PIAS2: variants seen among roughly 807,000 people sequenced by gnomAD.
The protein encoded by PIAS2 is E3 SUMO-protein ligase PIAS2.
Under a neutral mutation model 69.7 loss-of-function variants are expected in PIAS2, and 19 were observed. The observed-to-expected ratio is 0.27, with a 90% CI of 0.19 to 0.40. The LOEUF (loss-of-function observed/expected upper bound fraction) is 0.40. Among genes scored for constraint, PIAS2 ranks in the 10% least tolerant of loss-of-function variants. The pLI, the probability that PIAS2 is intolerant of heterozygous loss-of-function variation, is 1.00. For missense variants in PIAS2, 624 were observed against 757.0 expected (o/e 0.82, Z 2.06); for synonymous variants, 261 against 263.2 (o/e 0.99, Z 0.08).
At chr18:46,847,723 C>G (rs747425646) in intron 5 of PIAS2, among the ~76,000 whole-genome samples, 3 of 152,110 alleles carry the variant, frequency 2.0e-5, no homozygotes, top group Non-Finnish European at 2.9e-5. Context: ...ACCTCGTGAT[C>G]AGCCTGCCTC....
rs1212945480 is a variant in PIAS2 at position 46,859,992 on chromosome 18, G to A, written c.584+4172C>T. On this transcript the variant is annotated intron_variant, in intron 3 of 13. Coordinates refer to ENST00000585916, the MANE Select transcript of PIAS2 (RefSeq NM_004671.5). ...AGGAGCAGCGCTAAAGCCAAAAAGAGAACTGAATCCAATGTTCAATCTTCA... is the reference window on the plus strand; with the variant it reads ...AGGAGCAGCGCTAAAGCCAAAAAGAAAACTGAATCCAATGTTCAATCTTCA... Among the ~76,000 whole-genome samples the A allele has an allele frequency of 3.9e-5, 6 of 152,128 alleles. No individual in the cohort carries two copies. The East Asian group carries it at 1.2e-3, about 29-fold the overall frequency.
upstream of PIAS2, among the ~76,000 whole-genome samples, chr18:46,919,768 A>T (rs542478203): frequency 6.6e-6 from 1 of 152,366 alleles, no homozygotes; most frequent in Non-Finnish European, 1.5e-5. Context: ...GAATAAAGGA[A>T]TGAATGAACA....
At chr18:46,876,975 C>T (rs1335017595) in intron 2 of PIAS2, among the ~76,000 whole-genome samples, 3 of 152,198 alleles carry the variant, frequency 2.0e-5, no homozygotes, top group Non-Finnish European at 2.9e-5. Context: ...ACTGGGATTA[C>T]AGGCGTGAGC....
chr18:46,808,422 A>ATTTC lies in PIAS2; in HGVS notation c.*4007_*4010dup, dbSNP rs2040814779. 1 of 152,200 alleles carries ATTTC rather than the reference A, an allele frequency of 6.6e-6. No individual in the cohort carries two copies. Among genetic ancestry groups the ATTTC allele is most frequent in the Non-Finnish European group, 1.5e-5 (1 of 68,020 alleles). 9.4% of individuals were successfully genotyped at this position (152,200 alleles called of 1,614,324 possible). ...ATGGACATTGGGTACAGCTTTATTT[A>ATTTC]TTTCTTTTAGGAATTGCAGGTTCCT... On this transcript the variant is annotated 3_prime_UTR_variant, in exon 14 of 14. Transcript: ENST00000585916.
chr18:46,867,452 GGT>G (rs1430004129), intron 2 of PIAS2, among the ~76,000 whole-genome samples: 1 of 152,104 alleles, frequency 6.6e-6, no homozygotes, highest in Non-Finnish European at 1.5e-5. Flanking sequence ...TTAGCTAAAT[GGT>G]TATTTTAACA....
intron 8 of PIAS2, among the ~76,000 whole-genome samples, chr18:46,843,565 C>G (rs1231906567): frequency 6.6e-6 from 1 of 152,150 alleles, no homozygotes; most frequent in African/African-American, 2.4e-5. Context: ...GGCAAGTACA[C>G]AGGAGGATGT....
chr18:46,879,803 CAAG>C (rs1332958514), intron 2 of PIAS2, among the ~76,000 whole-genome samples: 1 of 152,048 alleles, frequency 6.6e-6, no homozygotes, highest in African/African-American at 2.4e-5. Context: ...AAGCCAATCA[CAAG>C]AAGACAGATA....
chr18:46,890,032 A>G (rs925154305), intron 2 of PIAS2, among the ~76,000 whole-genome samples: 1 of 152,262 alleles, frequency 6.6e-6, no homozygotes, highest in Non-Finnish European at 1.5e-5. Flanking sequence ...ATTCTAACAT[A>G]AACTACAGCA....
intron 11 of PIAS2, chr18:46,826,792 G>A (rs1416489105): frequency 6.6e-6 from 1 of 152,106 alleles, no homozygotes; most frequent in Non-Finnish European, 1.5e-5. Flanking sequence ...TTTAATATAT[G>A]TGTAAATTAT....
chr18:46,918,983 ATG>A (rs1006551301), upstream of PIAS2, among the ~76,000 whole-genome samples: 2 of 145,666 alleles, frequency 1.4e-5, no homozygotes, highest in African/African-American at 5.2e-5. Flanking sequence ...TTTGATATAT[ATG>A]TGTGTGCGTG....
At chr18:46,855,320 AT>A in intron 5 of PIAS2, 24 bp downstream of exon 5, 2 of 1,447,718 alleles carry the variant, frequency 1.4e-6, no homozygotes, top group Non-Finnish European at 1.9e-6. Context: ...TTATATGCAA[AT>A]CTGGTGAATA....
intron 11 of PIAS2, among the ~76,000 whole-genome samples, chr18:46,826,345 T>C (rs532161879): frequency 1.1e-4 from 17 of 152,206 alleles, no homozygotes; most frequent in African/African-American, 4.1e-4. Flanking sequence ...CAAACACAGA[T>C]AAAAATGTAG....
At chr18:46,919,116 C>T (rs1355218396), upstream of PIAS2, among the ~76,000 whole-genome samples, 1 of 150,428 alleles carries the variant, frequency 6.6e-6, no homozygotes, top group East Asian at 2.0e-4. Context: ...TTTAGGAAGC[C>T]GAGGCAGGTG....
chr18:46,816,398 A>C (rs1378127219), intron 12 of PIAS2: 5 of 984,374 alleles, frequency 5.1e-6, no homozygotes, highest in Non-Finnish European at 3.6e-6. Context: ...AAGTGATACA[A>C]GCTATAGCAC....
chr18:46,908,167 G>A (rs942943596), intron 1 of PIAS2, among the ~76,000 whole-genome samples: 1 of 151,938 alleles, frequency 6.6e-6, no homozygotes, highest in Non-Finnish European at 1.5e-5. Flanking sequence ...ACAGAGATGG[G>A]GTCTCACCAT....
chr18:46,815,178 C>T lies in PIAS2; in HGVS notation c.1686+134G>A, dbSNP rs547845599. The T allele has an allele frequency of 7.7e-6, 5 of 649,152 alleles. No homozygotes were observed. The Admixed American group carries it at 8.6e-5, about 11-fold the overall frequency. The allele number at this position is 649,152 out of a possible 1,614,324, so 40.2% of individuals were successfully genotyped here. A position where few individuals can be genotyped will look rare whatever the true frequency, so the allele number is the denominator to read the frequency against. On this transcript the variant is annotated intron_variant, in intron 13 of 13. Coordinates refer to ENST00000585916, the MANE Select transcript of PIAS2 (RefSeq NM_004671.5). Reference sequence around the variant, plus strand: ...TTCAAATAAAATTGTGAAATATTTGCACAGTACTTCCTTTCCATCAATGTA... The same window carrying T: ...TTCAAATAAAATTGTGAAATATTTGTACAGTACTTCCTTTCCATCAATGTA...
chr18:46,817,345 A>G (rs2041667241), intron 12 of PIAS2: 1 of 977,316 alleles, frequency 1.0e-6, no homozygotes, highest in African/African-American at 1.8e-5. Context: ...TCAGAATTTC[A>G]ATTAAAATAC....
chr18:46,807,366 TA>T lies in PIAS2; in HGVS notation c.*5066del, dbSNP rs1205009234. On this transcript the variant is annotated 3_prime_UTR_variant, in exon 14 of 14. Coordinates refer to ENST00000585916, the MANE Select transcript of PIAS2 (RefSeq NM_004671.5). Reference sequence around the variant, plus strand: ...AAACATGTCAGATTTTATATATATATATATATATATATATATATTTTTTTTT... The same window carrying T: ...AAACATGTCAGATTTTATATATATATTATATATATATATATATTTTTTTTT... 4.1e-4 allele frequency: 11 copies of T among 26,868 alleles called. No homozygotes were observed. Among genetic ancestry groups the T allele is most frequent in the African/African-American group, 1.6e-3 (6 of 3,866 alleles). 1.7% of individuals were successfully genotyped at this position (26,868 alleles called of 1,614,324 possible).
Position 46,806,353 on chromosome 18 carries a change from C to CTGTTTT in PIAS2, c.*6079_*6080insAAAACA, listed in dbSNP as rs1555705789. 1.7e-5 allele frequency: 1 copy of CTGTTTT among 60,176 alleles called. No homozygotes were observed. Among genetic ancestry groups the CTGTTTT allele is most frequent in the African/African-American group, 5.4e-5 (1 of 18,454 alleles). The allele number at this position is 60,176 out of a possible 1,614,324, so 3.7% of individuals were successfully genotyped here. On this transcript the variant is annotated 3_prime_UTR_variant, in exon 14 of 14. Coordinates refer to ENST00000585916, the MANE Select transcript of PIAS2 (RefSeq NM_004671.5). ...AAAATTCTTTGCACAATGCCTGTTA[C>CTGTTTT]TTTTTTTTTTTTTTTTTTTTTTTTT...
Sources: allele counts gnomAD v4.1 joint callset (sites outside exome capture counted in the v4.1 genomes callset), GRCh38; gene constraint gnomAD v4.1.1; transcripts MANE v1.5; gene names NCBI Gene and HGNC (gene_info 2026-07-23, HGNC 2026-07-21).